The following KCNK13 variants were observed in gnomAD, a reference collection of about 807,000 sequenced individuals.
KCNK13 encodes the protein potassium channel subfamily K member 13.
KCNK13 carries 12 observed loss-of-function variants against 23.4 expected under a neutral mutation model. That is an observed-to-expected ratio of 0.51 (90% CI 0.33 to 0.83). KCNK13 has a LOEUF of 0.83. Among genes scored for constraint, KCNK13 ranks in the 40% least tolerant of loss-of-function variants. The pLI is 0.02. For missense variants in KCNK13, 463 were observed against 556.3 expected (o/e 0.83, Z 1.69); for synonymous variants, 231 against 229.5 (o/e 1.01, Z -0.06).
At position 90,138,804 on chromosome 14, in the gene KCNK13, A is replaced by T. The variant is rs529312498; in HGVS notation, c.335-45307A>T. ...CTTCTCAGAGGGGAGTTTCTTTCCA[A>T]TTTGCACAGATTGGTGCTATACCCA... On this transcript the variant is annotated intron_variant, in intron 1 of 1. Coordinates refer to ENST00000282146, the MANE Select transcript of KCNK13 (RefSeq NM_022054.4). 2.6e-5 allele frequency among the ~76,000 whole-genome samples: 4 copies of T among 152,262 alleles called. No homozygotes were observed. In the South Asian group the frequency reaches 8.3e-4, roughly 32 times the overall value.
At chr14:90,069,140 G>A (rs981947813) in intron 1 of KCNK13, among the ~76,000 whole-genome samples, 2 of 147,482 alleles carry the variant, frequency 1.4e-5, no homozygotes, top group Non-Finnish European at 3.0e-5. Context: ...GGGTTCAAGC[G>A]ATTCTCTTGC....
At chr14:90,108,435 G>A (rs1889572415) in intron 1 of KCNK13, among the ~76,000 whole-genome samples, 1 of 152,132 alleles carries the variant, frequency 6.6e-6, no homozygotes, top group African/African-American at 2.4e-5. Context: ...TTGACTTTGT[G>A]GAGTTGGTGT....
intron 1 of KCNK13, among the ~76,000 whole-genome samples, chr14:90,076,916 T>C (rs1596766819): frequency 6.6e-6 from 1 of 152,234 alleles, no homozygotes; most frequent in African/African-American, 2.4e-5. Context: ...GCTTCCCGAG[T>C]TCACTCCATT....
chr14:90,069,934 A>G (rs1015536177), intron 1 of KCNK13, among the ~76,000 whole-genome samples: 3 of 152,254 alleles, frequency 2.0e-5, no homozygotes, highest in African/African-American at 7.2e-5. Flanking sequence ...TGTTTTGTTC[A>G]GTGTCTAGTG....
At chr14:90,145,722 C>T (rs760089054) in intron 1 of KCNK13, among the ~76,000 whole-genome samples, 5 of 152,152 alleles carry the variant, frequency 3.3e-5, no homozygotes, top group Middle Eastern at 3.4e-3. Flanking sequence ...AGATGGTTGG[C>T]CAGGTGTGGT....
At chr14:90,097,690 C>G (rs919557172) in intron 1 of KCNK13, among the ~76,000 whole-genome samples, 1 of 152,134 alleles carries the variant, frequency 6.6e-6, no homozygotes, top group Non-Finnish European at 1.5e-5. Context: ...CAGAGGCTCA[C>G]GCTCCCCAGA....
At chr14:90,158,229 G>A (rs975147428) in intron 1 of KCNK13, among the ~76,000 whole-genome samples, 9 of 152,316 alleles carry the variant, frequency 5.9e-5, no homozygotes, top group African/African-American at 1.9e-4. Flanking sequence ...AAGATACCAG[G>A]GCTGGCCTGG....
intron 1 of KCNK13, among the ~76,000 whole-genome samples, chr14:90,101,800 A>AAAAC (rs1889482691): frequency 6.7e-6 from 1 of 149,830 alleles, no homozygotes; most frequent in South Asian, 2.1e-4. Flanking sequence ...CAAAAAAAAA[A>AAAAC]AAAAAAAAAA....
intron 1 of KCNK13, among the ~76,000 whole-genome samples, chr14:90,160,741 G>C (rs891864224): frequency 6.6e-6 from 1 of 151,876 alleles, no homozygotes; most frequent in South Asian, 2.1e-4. Context: ...TGCTCTGGAG[G>C]CTGAGACAGG....
chr14:90,159,038 G>A (rs1227646570), intron 1 of KCNK13, among the ~76,000 whole-genome samples: 1 of 152,228 alleles, frequency 6.6e-6, no homozygotes, highest in African/African-American at 2.4e-5. Flanking sequence ...AAATGGATTG[G>A]CTTGCAGTTC....
chr14:90,159,494 G>T (rs1027214050), intron 1 of KCNK13, among the ~76,000 whole-genome samples: 6 of 152,206 alleles, frequency 3.9e-5, no homozygotes, highest in South Asian at 2.1e-4. Context: ...AAATGGAAAT[G>T]CTATTCCAGC....
intron 1 of KCNK13, among the ~76,000 whole-genome samples, chr14:90,063,429 C>A (rs188106492): frequency 1.4e-3 from 211 of 152,142 alleles, no homozygotes; most frequent in African/African-American, 4.8e-3. Context: ...CTGCGCCACA[C>A]CCCTAAAGAT....
rs539863095 is a variant in KCNK13 at position 90,107,812 on chromosome 14, C to T, written c.334+45273C>T. On this transcript the variant is annotated intron_variant, in intron 1 of 1. Coordinates refer to ENST00000282146, the MANE Select transcript of KCNK13 (RefSeq NM_022054.4). The stretch of plus-strand genomic sequence containing the variant: ...TCAAACAAGGGCTTCTGGAATTTGT[C>T]GAGATCACAACCACCAACCACACTA... The T allele has an allele frequency of 2.2e-5, 19 of 869,014 alleles. No individual in the cohort carries two copies. The African/African-American group carries it at 2.6e-4, about 12-fold the overall frequency. 53.8% of individuals were successfully genotyped at this position (869,014 alleles called of 1,614,324 possible). A position where few individuals can be genotyped will look rare whatever the true frequency, so the allele number is the denominator to read the frequency against.
chr14:90,089,124 TG>T (rs1889314721), intron 1 of KCNK13, among the ~76,000 whole-genome samples: 1 of 152,218 alleles, frequency 6.6e-6, no homozygotes, highest in East Asian at 1.9e-4. Flanking sequence ...ACCTTGGAAC[TG>T]GGTAACAGGC....
chr14:90,127,503 T>C (rs372271966), intron 1 of KCNK13, among the ~76,000 whole-genome samples: 103 of 148,500 alleles, frequency 6.9e-4, no homozygotes, highest in African/African-American at 2.5e-3. Context: ...ATACAATTCA[T>C]TCATCATAGT....
chr14:90,137,288 ATTTAT>A (rs1196918576), intron 1 of KCNK13, among the ~76,000 whole-genome samples: 16 of 150,816 alleles, frequency 1.1e-4, no homozygotes, highest in Non-Finnish European at 4.4e-5. Flanking sequence ...TCTACTCTTG[ATTTAT>A]TTTATTTTAT....
chr14:90,072,101 CT>C (rs1889082560), intron 1 of KCNK13, among the ~76,000 whole-genome samples: 1 of 152,168 alleles, frequency 6.6e-6, no homozygotes, highest in Non-Finnish European at 1.5e-5. Flanking sequence ...CCGGCCCTCC[CT>C]TCATCCTCCA....
intron 1 of KCNK13, among the ~76,000 whole-genome samples, chr14:90,167,042 G>A (rs1395543737): frequency 6.6e-6 from 1 of 152,200 alleles, no homozygotes; most frequent in Non-Finnish European, 1.5e-5. Flanking sequence ...CTTTGAGCAA[G>A]TTACTTAACC....
At chr14:90,150,045 T>C (rs1378361126) in intron 1 of KCNK13, among the ~76,000 whole-genome samples, 2 of 152,102 alleles carry the variant, frequency 1.3e-5, no homozygotes, top group African/African-American at 2.4e-5. Flanking sequence ...GTGTACATGT[T>C]GCTCACATAA....
Sources: gnomAD v4.1 joint callset for allele counts (sites outside exome capture counted in the v4.1 genomes callset) on GRCh38, gnomAD v4.1.1 for gene constraint, MANE v1.5 for transcripts, NCBI Gene and HGNC (gene_info 2026-07-23, HGNC 2026-07-21) for gene names.